RHBDD1: variants seen among roughly 807,000 people sequenced by gnomAD.
The protein encoded by RHBDD1 is rhomboid-related protein 4.
A neutral mutation model predicts 36.3 loss-of-function variants in RHBDD1; 38 were observed. The observed-to-expected ratio is 1.05, with a 90% CI of 0.81 to 1.37. The LOEUF (loss-of-function observed/expected upper bound fraction) is 1.37, where lower values mean the gene tolerates loss of function less well. Among genes scored for constraint, RHBDD1 ranks in the 40% most tolerant of loss-of-function variants. The pLI is 0.00. For missense variants in RHBDD1, 393 were observed against 377.6 expected (o/e 1.04, Z -0.34); for synonymous variants, 151 against 136.5 (o/e 1.11, Z -0.74).
intron 3 of RHBDD1, among the ~76,000 whole-genome samples, chr2:226,843,674 T>C (rs976505672): frequency 1.3e-5 from 2 of 152,152 alleles, no homozygotes; most frequent in Non-Finnish European, 2.9e-5. Flanking sequence ...AGTTTGCCAG[T>C]ATTTTGTTGA....
At chr2:226,886,745 A>T (rs997726179) in intron 5 of RHBDD1, among the ~76,000 whole-genome samples, 7 of 152,166 alleles carry the variant, frequency 4.6e-5, no homozygotes, top group African/African-American at 9.7e-5. Flanking sequence ...GAATTTTTTT[A>T]AAAAAAGATT....
intron 5 of RHBDD1, among the ~76,000 whole-genome samples, chr2:226,876,864 C>T (rs1452988173): frequency 6.6e-6 from 1 of 152,132 alleles, no homozygotes; most frequent in Non-Finnish European, 1.5e-5. Flanking sequence ...TATGTGTTCA[C>T]ATAGATAAGT....
At chr2:226,922,701 T>TC (rs1191784734) in intron 8 of RHBDD1, among the ~76,000 whole-genome samples, 1 of 152,174 alleles carries the variant, frequency 6.6e-6, no homozygotes, top group Non-Finnish European at 1.5e-5. Context: ...CCTCTTCCCT[T>TC]CCTTCCTGCC....
intron 8 of RHBDD1, among the ~76,000 whole-genome samples, chr2:226,954,518 C>T (rs1237890925): frequency 2.0e-5 from 3 of 151,980 alleles, no homozygotes; most frequent in African/African-American, 7.2e-5. Flanking sequence ...GATTTCTAGC[C>T]GCTAGCAAAC....
rs566075430 is a variant in RHBDD1 at position 226,850,906 on chromosome 2, C to T, written c.-91+11279C>T. On this transcript the variant is annotated intron_variant, in intron 3 of 8. Transcript: ENST00000392062. ...GAGAAAAGGAAAGCTGGGGTAGTTC[C>T]ATACAACTCTATTACGTGTGTTTTT... 2.0e-5 allele frequency among the ~76,000 whole-genome samples: 3 copies of T among 152,302 alleles called. No individual in the cohort carries two copies. In the South Asian group the frequency reaches 6.2e-4, roughly 32 times the overall value.
At chr2:226,896,999 C>T (rs1270278333) in intron 5 of RHBDD1, among the ~76,000 whole-genome samples, 1 of 152,126 alleles carries the variant, frequency 6.6e-6, no homozygotes, top group Non-Finnish European at 1.5e-5. Context: ...GATGGGGTTT[C>T]ACCATGTTGA....
chr2:226,988,437 T>C, intron 8 of RHBDD1: 1 of 1,550,198 alleles, frequency 6.5e-7, no homozygotes, highest in African/African-American at 1.4e-5. Flanking sequence ...CAGGCCGCAG[T>C]TTGGACCTAA....
chr2:226,962,544 G>A (rs762714070), intron 8 of RHBDD1, among the ~76,000 whole-genome samples: 1 of 152,220 alleles, frequency 6.6e-6, no homozygotes, highest in Non-Finnish European at 1.5e-5. Context: ...TGGGCAAAAG[G>A]CCATCTTACT....
the RHBDD1 span, among the ~76,000 whole-genome samples, chr2:226,823,051 G>A: frequency 1.1e-4 from 16 of 152,200 alleles, no homozygotes; most frequent in African/African-American, 3.6e-4. Context: ...ACTTGAACCC[G>A]GGAGGCAGAG....
intron 6 of RHBDD1, among the ~76,000 whole-genome samples, chr2:226,907,271 C>A (rs1424274906): frequency 6.6e-6 from 1 of 152,130 alleles, no homozygotes; most frequent in African/African-American, 2.4e-5. Flanking sequence ...AAAACAAAGC[C>A]TGGACTGAAG....
chr2:226,927,929 T>C (rs373382382), intron 8 of RHBDD1, among the ~76,000 whole-genome samples: 9 of 152,270 alleles, frequency 5.9e-5, no homozygotes, highest in African/African-American at 1.9e-4. Flanking sequence ...AAAAGTATCT[T>C]TTGTGGCACA....
chr2:226,907,320 G>A (rs1232065498), intron 6 of RHBDD1, among the ~76,000 whole-genome samples: 2 of 152,316 alleles, frequency 1.3e-5, no homozygotes, highest in Middle Eastern at 3.4e-3. Flanking sequence ...ACTGATGACC[G>A]GGTCCTTGGT....
chr2:226,867,273 T>A lies in RHBDD1; in HGVS notation c.521T>A (p.Phe174Tyr). 6.2e-7 allele frequency: 1 copy of A among 1,613,768 alleles called. No individual in the cohort carries two copies. Among genetic ancestry groups the A allele is most frequent in the East Asian group, 2.2e-5 (1 of 44,842 alleles). Residue 174 changes from phenylalanine to tyrosine, a missense_variant, in exon 5 of 9, where the codon TTT becomes TAT. By Grantham distance (22) the Phe-to-Tyr change is conservative. Coordinates refer to ENST00000392062, the MANE Select transcript of RHBDD1 (RefSeq NM_001167608.3). ...TTGGGCTTTCCTGTACCGAACAGAT[T>A]TGCTTGTTGGGTCGAACTTGTGGCT... Reference protein sequence around the residue: ...NILGFPVPNRFACWVELVAIH... With the variant: ...NILGFPVPNRYACWVELVAIH...
intron 5 of RHBDD1, among the ~76,000 whole-genome samples, chr2:226,896,405 T>C (rs1947097742): frequency 6.6e-6 from 1 of 152,278 alleles, no homozygotes; most frequent in Admixed American, 6.5e-5. Flanking sequence ...TATCTCTGCC[T>C]CCAAAATACA....
chr2:226,864,473 T>C, intron 3 of RHBDD1, 131 bp from the exon 4 acceptor site: 2 of 544,718 alleles, frequency 3.7e-6, no homozygotes, highest in Non-Finnish European at 6.5e-6. Context: ...CTCTTGAAGA[T>C]GTCGAACATA....
intron 5 of RHBDD1, among the ~76,000 whole-genome samples, chr2:226,895,284 A>G (rs1266750267): frequency 1.3e-5 from 2 of 152,190 alleles, no homozygotes; most frequent in Admixed American, 1.3e-4. Flanking sequence ...ACACCTTTGC[A>G]GGCCATGTGA....
At chr2:226,944,822 A>C (rs988977712) in intron 8 of RHBDD1, among the ~76,000 whole-genome samples, 2 of 152,150 alleles carry the variant, frequency 1.3e-5, no homozygotes, top group African/African-American at 4.8e-5. Flanking sequence ...ATTGATGCCA[A>C]ATTTGAATTA....
chr2:226,883,244 G>A (rs1332807672), intron 5 of RHBDD1, among the ~76,000 whole-genome samples: 1 of 152,192 alleles, frequency 6.6e-6, no homozygotes, highest in Non-Finnish European at 1.5e-5. Context: ...CACATGGCGT[G>A]ATTTCTAAGC....
intron 3 of RHBDD1, among the ~76,000 whole-genome samples, chr2:226,855,159 T>TG (rs1227982993): frequency 2.6e-5 from 4 of 152,352 alleles, no homozygotes; most frequent in Admixed American, 1.3e-4. Flanking sequence ...TGTATTCATC[T>TG]GGGGAGATGG....
Sources: gnomAD v4.1 joint callset for allele counts (sites outside exome capture counted in the v4.1 genomes callset) on GRCh38, gnomAD v4.1.1 for gene constraint, MANE v1.5 for transcripts, NCBI Gene and HGNC (gene_info 2026-07-23, HGNC 2026-07-21) for gene names.